PRICKLE1: variants seen among roughly 807,000 people sequenced by gnomAD.
The protein encoded by PRICKLE1 is prickle planar cell polarity protein 1, also known as prickle-like protein 1.
Under a neutral mutation model 70.2 loss-of-function variants are expected in PRICKLE1, and 14 were observed. That is an observed-to-expected ratio of 0.20 (90% CI 0.13 to 0.31). The LOEUF (loss-of-function observed/expected upper bound fraction) is 0.31. Among genes scored for constraint, PRICKLE1 ranks in the 10% least tolerant of loss-of-function variants. The pLI, the probability that PRICKLE1 is intolerant of heterozygous loss-of-function variation, is 1.00. For synonymous variants in PRICKLE1, 357 were observed against 379.9 expected, an observed-to-expected ratio of 0.94 and a Z score of 0.70; for missense variants, 821 against 1,026.2, an observed-to-expected ratio of 0.80 and a Z score of 2.73.
intron 1 of PRICKLE1, among the ~76,000 whole-genome samples, chr12:42,526,940 T>C (rs775468832): frequency 4.6e-5 from 7 of 152,020 alleles, no homozygotes; most frequent in Non-Finnish European, 1.0e-4. Flanking sequence ...TGTATGCTGC[T>C]TGAATGATAT....
intron 1 of PRICKLE1, among the ~76,000 whole-genome samples, chr12:42,558,332 A>T (rs1940447742): frequency 6.6e-6 from 1 of 152,240 alleles, no homozygotes; most frequent in South Asian, 2.1e-4. Context: ...TATTACCATG[A>T]AGGGTGTAAA....
At chr12:42,471,455 T>C (rs984250744) in intron 2 of PRICKLE1, among the ~76,000 whole-genome samples, 28 of 152,312 alleles carry the variant, frequency 1.8e-4, no homozygotes, top group African/African-American at 6.7e-4. Flanking sequence ...TCTCTCTAAG[T>C]AGTTTGTCAA....
intron 1 of PRICKLE1, among the ~76,000 whole-genome samples, chr12:42,478,206 A>G (rs1393486470): frequency 6.6e-6 from 1 of 152,104 alleles, no homozygotes; most frequent in East Asian, 1.9e-4. Context: ...AGCTCAAAAC[A>G]TCAGTATTCT....
intron 1 of PRICKLE1, among the ~76,000 whole-genome samples, chr12:42,562,512 C>T (rs891513011): frequency 2.0e-5 from 3 of 151,880 alleles, no homozygotes; most frequent in Non-Finnish European, 2.9e-5. Flanking sequence ...TACCAAAACA[C>T]AGCATCTCTG....
At chr12:42,467,405 G>A (rs551972597) in intron 5 of PRICKLE1, among the ~76,000 whole-genome samples, 10 of 149,536 alleles carry the variant, frequency 6.7e-5, no homozygotes, top group African/African-American at 1.2e-4. Flanking sequence ...GTGAGCCACC[G>A]AGCCCGGCAG....
rs34675637 is a variant in PRICKLE1, at chr12:42,530,680, A to ATTTTT, written c.-48-58121_-48-58117dup. On this transcript the variant is annotated intron_variant, in intron 1 of 7. Transcript: ENST00000345127. ...AAAAGTCAGTGTATTTTATCAAATA[A>ATTTTT]TTTTTTTTTTTTTTTTTTTTTTTGA... Among the ~76,000 whole-genome samples, 164 of 97,094 alleles carry ATTTTT rather than the reference A, an allele frequency of 1.7e-3. 2 individuals carry two copies. The highest frequency in any genetic ancestry group is 5.0e-3 in the East Asian group (17 of 3,382). 63.7% of individuals were successfully genotyped at this position (97,094 alleles called of 152,430 possible).
At chr12:42,516,412 G>A (rs1464775623) in intron 1 of PRICKLE1, among the ~76,000 whole-genome samples, 3 of 152,120 alleles carry the variant, frequency 2.0e-5, no homozygotes, top group Non-Finnish European at 2.9e-5. Context: ...TATTACAGGC[G>A]TGAGCCACCG....
chr12:42,515,901 T>A (rs114895623), intron 1 of PRICKLE1, among the ~76,000 whole-genome samples: 54 of 152,326 alleles, frequency 3.5e-4, no homozygotes, highest in African/African-American at 1.3e-3. Context: ...TTGGTAAGCC[T>A]TTAAATCCAG....
At chr12:42,586,723 TG>T (rs1329443011) in intron 1 of PRICKLE1, among the ~76,000 whole-genome samples, 1 of 152,262 alleles carries the variant, frequency 6.6e-6, no homozygotes, top group Non-Finnish European at 1.5e-5. Context: ...TTCCATTTCA[TG>T]AGTATTATAG....
chr12:42,583,649 G>A (rs1940940410), intron 1 of PRICKLE1, among the ~76,000 whole-genome samples: 1 of 152,166 alleles, frequency 6.6e-6, no homozygotes, highest in South Asian at 2.1e-4. Flanking sequence ...GGGGCTACAT[G>A]AAACATGGCA....
At chr12:42,475,861 G>T (rs551319103) in intron 1 of PRICKLE1, among the ~76,000 whole-genome samples, 5 of 151,740 alleles carry the variant, frequency 3.3e-5, no homozygotes, top group African/African-American at 4.8e-5. Context: ...GGGAGGCTGG[G>T]GGGGGGCGGG....
chr12:42,522,959 CAT>C (rs1491224040), intron 1 of PRICKLE1, among the ~76,000 whole-genome samples: 19 of 125,206 alleles, frequency 1.5e-4, no homozygotes, highest in Middle Eastern at 4.4e-3. Flanking sequence ...GTGATTCTAA[CAT>C]ATTTTTTTTT....
At chr12:42,461,452 T>C (rs1325353332) in intron 7 of PRICKLE1, among the ~76,000 whole-genome samples, 3 of 152,240 alleles carry the variant, frequency 2.0e-5, no homozygotes, top group African/African-American at 7.2e-5. Context: ...AACAGCTTGT[T>C]TGTGTATCAA....
At chr12:42,516,414 G>A (rs1939613469) in intron 1 of PRICKLE1, among the ~76,000 whole-genome samples, 1 of 152,176 alleles carries the variant, frequency 6.6e-6, no homozygotes, top group Admixed American at 6.5e-5. Context: ...TTACAGGCGT[G>A]AGCCACCGTG....
intron 1 of PRICKLE1, among the ~76,000 whole-genome samples, chr12:42,580,234 T>C (rs574416472): frequency 6.0e-4 from 92 of 152,244 alleles, no homozygotes; most frequent in African/African-American, 2.1e-3. Context: ...TAAACTGACA[T>C]AGAAAACTGG....
chr12:42,550,859 C>T (rs1216744577), intron 1 of PRICKLE1, among the ~76,000 whole-genome samples: 1 of 152,196 alleles, frequency 6.6e-6, no homozygotes, highest in East Asian at 1.9e-4. Flanking sequence ...CATACCTTGA[C>T]TAACAGGGTG....
At position 42,464,537 on chromosome 12, in the gene PRICKLE1, T is replaced by C. The variant is rs774825872; in HGVS notation, c.1497A>G (p.Glu499=). 8 of 1,613,884 alleles carry C rather than the reference T, an allele frequency of 5.0e-6. No individual in the cohort carries two copies. Among genetic ancestry groups the C allele is most frequent in the South Asian group, 4.4e-5 (4 of 91,082 alleles). The stretch of plus-strand genomic sequence containing the variant: ...CTGAAGCCCCATGGTCCAGTTCCAA[T>C]TCCTGAAGCCTTCTACTGCTTGCAG... The part of the protein sequence containing the change: ...PGPASSRRLQ[E]LELDHGASGY... The change falls in exon 7 of 8, where the codon GAA becomes GAG. Residue 499 remains glutamate, a synonymous_variant. Coordinates refer to ENST00000345127, the MANE Select transcript of PRICKLE1 (RefSeq NM_153026.3). This position sits in a 1 kb window ranked among gnomAD's most constrained non-coding sequence, Gnocchi z 4.2.
At chr12:42,557,720 C>T (rs1429404654) in intron 1 of PRICKLE1, among the ~76,000 whole-genome samples, 1 of 152,166 alleles carries the variant, frequency 6.6e-6, no homozygotes, top group Non-Finnish European at 1.5e-5. Context: ...CTGTGGGAGT[C>T]ATCTTGTTTT....
chr12:42,499,889 G>T (rs545070127), intron 1 of PRICKLE1, among the ~76,000 whole-genome samples: 1 of 151,454 alleles, frequency 6.6e-6, no homozygotes, highest in Admixed American at 6.6e-5. Flanking sequence ...CACCATGCCT[G>T]GCTAATTTTT....
Sources: gnomAD v4.1 joint callset for allele counts (sites outside exome capture counted in the v4.1 genomes callset) on GRCh38, gnomAD v4.1.1 for gene constraint, Gnocchi (gnomAD v3.1) non-coding constraint, MANE v1.5 for transcripts, NCBI Gene and HGNC (gene_info 2026-07-23, HGNC 2026-07-21) for gene names.